The following KCNIP4 variants were observed in gnomAD, a reference collection of about 807,000 sequenced individuals.
KCNIP4 encodes the protein Kv channel-interacting protein 4.
In KCNIP4, 12 loss-of-function variants were observed where a neutral mutation model predicts 34.0. The observed-to-expected ratio is 0.35, with a 90% CI of 0.23 to 0.57. The LOEUF is 0.57. Among genes scored for constraint, KCNIP4 ranks in the 20% least tolerant of loss-of-function variants. The pLI is 0.83. For missense variants in KCNIP4, 238 were observed against 311.7 expected (o/e 0.76, Z 1.78); for synonymous variants, 124 against 102.2 (o/e 1.21, Z -1.29).
chr4:20,928,446 A>C (rs1730114624), intron 1 of KCNIP4, among the ~76,000 whole-genome samples: 1 of 151,984 alleles, frequency 6.6e-6, no homozygotes, highest in Admixed American at 6.6e-5. Context: ...CAACATATCA[A>C]AATCTATGGG....
intron 1 of KCNIP4, among the ~76,000 whole-genome samples, chr4:21,278,629 G>T (rs1441602203): frequency 6.6e-6 from 1 of 152,116 alleles, no homozygotes. Context: ...TAAAGAAAAT[G>T]TAGTACATAT....
intron 1 of KCNIP4, among the ~76,000 whole-genome samples, chr4:21,277,221 A>C (rs1228695849): frequency 1.3e-5 from 2 of 152,146 alleles, no homozygotes; most frequent in African/African-American, 4.8e-5. Context: ...AGATTTTTCA[A>C]CTCATCAGCC....
At chr4:20,956,742 A>C (rs1733349399) in intron 1 of KCNIP4, among the ~76,000 whole-genome samples, 1 of 152,204 alleles carries the variant, frequency 6.6e-6, no homozygotes, top group Non-Finnish European at 1.5e-5. Context: ...GCATCCTAAC[A>C]GCCAAGGCAA....
rs1718822216 is a variant in KCNIP4, at chr4:21,771,925, GC to G, written c.61+176645del. On this transcript the variant is annotated intron_variant, in intron 1 of 8. Transcript: ENST00000382152. ...TGAATACCCTTTAATTCTTTTTCTT[GC>G]CTAATTGCCATGGCCAGAACTTCCA... Among the ~76,000 whole-genome samples the G allele has an allele frequency of 3.9e-5, 6 of 151,946 alleles. 1 individual carries two copies. The highest frequency in any genetic ancestry group is 3.9e-4 in the Admixed American group (6 of 15,252).
intron 1 of KCNIP4, among the ~76,000 whole-genome samples, chr4:21,779,813 C>A (rs1349877426): frequency 6.6e-6 from 1 of 151,974 alleles, no homozygotes; most frequent in Non-Finnish European, 1.5e-5. Context: ...CTCCTGTAGT[C>A]CCAGCCTGTC....
chr4:21,901,127 C>T (rs16872074), intron 1 of KCNIP4, among the ~76,000 whole-genome samples: 35,498 of 152,104 alleles, frequency 0.23, 4,506 homozygotes, highest in Non-Finnish European at 0.29. Flanking sequence ...CAGCTGGAAA[C>T]TGCTTATGAT....
rs115876359 is a variant in KCNIP4 at position 21,290,875 on chromosome 4, A to T, written c.62-408166T>A. On this transcript the variant is annotated intron_variant, in intron 1 of 8. Transcript: ENST00000382152. ...TGTAAGAGCACATTACCGTGCCCTT[A>T]TGAGGAGCCAGAACTAGTCATTGTA... is the stretch of plus-strand genomic sequence containing the variant. 2.3e-3 allele frequency among the ~76,000 whole-genome samples: 357 copies of T among 152,350 alleles called. 1 individual carries two copies. The highest frequency in any genetic ancestry group is 8.2e-3 in the African/African-American group (343 of 41,594).
chr4:21,001,287 C>T (rs1738113565), intron 1 of KCNIP4, among the ~76,000 whole-genome samples: 1 of 152,118 alleles, frequency 6.6e-6, no homozygotes, highest in Admixed American at 6.5e-5. Flanking sequence ...TGGGAGAAAA[C>T]ACTATGAAAT....
intron 1 of KCNIP4, among the ~76,000 whole-genome samples, chr4:20,908,098 C>CTTTT (rs11364819): frequency 4.6e-5 from 5 of 109,186 alleles, no homozygotes; most frequent in Non-Finnish European, 5.6e-5. Context: ...TGTCATCATT[C>CTTTT]TTTTTTTTTT....
At chr4:21,565,890 C>A (rs986720054) in intron 1 of KCNIP4, among the ~76,000 whole-genome samples, 2 of 151,990 alleles carry the variant, frequency 1.3e-5, no homozygotes, top group African/African-American at 4.8e-5. Flanking sequence ...TCAAAGAAAG[C>A]TTTAAAGAGA....
intron 1 of KCNIP4, among the ~76,000 whole-genome samples, chr4:21,753,725 C>G (rs1225861005): frequency 6.6e-6 from 1 of 152,262 alleles, no homozygotes; most frequent in African/African-American, 2.4e-5. Flanking sequence ...TGTGCTATTT[C>G]TGTAGATTTC....
At chr4:21,065,745 T>TATAC (rs1250768075) in intron 1 of KCNIP4, among the ~76,000 whole-genome samples, 1 of 142,536 alleles carries the variant, frequency 7.0e-6, no homozygotes, top group East Asian at 2.0e-4. Context: ...TATATATATA[T>TATAC]ATATATATAT....
chr4:21,001,660 T>C (rs1738147519), intron 1 of KCNIP4, among the ~76,000 whole-genome samples: 1 of 152,188 alleles, frequency 6.6e-6, no homozygotes, highest in South Asian at 2.1e-4. Flanking sequence ...GCCTACTCTG[T>C]TAAAGATACG....
At chr4:21,449,220 G>C (rs1728301403) in intron 1 of KCNIP4, among the ~76,000 whole-genome samples, 1 of 152,112 alleles carries the variant, frequency 6.6e-6, no homozygotes. Flanking sequence ...TTTTAAAATT[G>C]CCTGTGACTC....
chr4:21,874,009 A>G (rs1313352979), intron 1 of KCNIP4, among the ~76,000 whole-genome samples: 1 of 152,214 alleles, frequency 6.6e-6, no homozygotes, highest in Non-Finnish European at 1.5e-5. Context: ...CATTTTCTGA[A>G]GACTTGCAAG....
chr4:20,972,309 C>T (rs1381499914), intron 1 of KCNIP4, among the ~76,000 whole-genome samples: 1 of 152,176 alleles, frequency 6.6e-6, no homozygotes, highest in Non-Finnish European at 1.5e-5. Flanking sequence ...AGATCTATCA[C>T]AGGAATCACT....
chr4:21,597,156 A>G (rs1742715864), intron 1 of KCNIP4, among the ~76,000 whole-genome samples: 1 of 152,004 alleles, frequency 6.6e-6, no homozygotes. Flanking sequence ...ATGTTGTGGG[A>G]GGGACCTGGT....
chr4:21,786,786 T>C (rs181774098), intron 1 of KCNIP4, among the ~76,000 whole-genome samples: 1 of 152,064 alleles, frequency 6.6e-6, no homozygotes, highest in Admixed American at 6.5e-5. Context: ...CAGGATGGTC[T>C]CCATCTCCTG....
chr4:21,580,919 A>G (rs1741153922), intron 1 of KCNIP4, among the ~76,000 whole-genome samples: 6 of 152,070 alleles, frequency 3.9e-5, no homozygotes, highest in South Asian at 2.1e-4. Context: ...ATGTCAGCCT[A>G]TTCAGAGAAC....
Sources: allele counts gnomAD v4.1 joint callset (sites outside exome capture counted in the v4.1 genomes callset), GRCh38; gene constraint gnomAD v4.1.1; transcripts MANE v1.5; gene names NCBI Gene and HGNC (gene_info 2026-07-23, HGNC 2026-07-21).